Variants in CLVS1 observed in about 807,000 individuals in gnomAD.
CLVS1 encodes clavesin 1.
Under a neutral mutation model 33.1 loss-of-function variants are expected in CLVS1, and 10 were observed. The ratio of observed to expected loss-of-function variants is 0.30; its 90% CI spans 0.19 to 0.51. The LOEUF (loss-of-function observed/expected upper bound fraction) is 0.51, where lower values mean the gene tolerates loss of function less well. CLVS1 is among the 20% of genes least tolerant of loss of function. The pLI is 0.97. For synonymous variants in CLVS1, 163 were observed against 166.1 expected, an observed-to-expected ratio of 0.98 and a Z score of 0.14; for missense variants, 343 against 433.4, an observed-to-expected ratio of 0.79 and a Z score of 1.85.
At chr8:61,048,945 C>T in the CLVS1 span, among the ~76,000 whole-genome samples, 4 of 152,156 alleles carry the variant, frequency 2.6e-5, no homozygotes. Flanking sequence ...GGAGAGTAGG[C>T]ATTCTTTAAA....
At chr8:61,250,623 G>A (rs372082541) in intron 2 of CLVS1, among the ~76,000 whole-genome samples, 1 of 152,090 alleles carries the variant, frequency 6.6e-6, no homozygotes, top group South Asian at 2.1e-4. Flanking sequence ...TACTTGAAGA[G>A]GTCCTTCACA....
At chr8:61,309,005 C>G (rs111847300) in intron 2 of CLVS1, among the ~76,000 whole-genome samples, 2,651 of 152,272 alleles carry the variant, frequency 0.017, 31 homozygotes, top group Non-Finnish European at 0.029. Flanking sequence ...AAGTTTGTTT[C>G]TACATTCTTT....
intron 2 of CLVS1, among the ~76,000 whole-genome samples, chr8:61,265,253 G>A (rs778994029): frequency 4.6e-5 from 7 of 152,048 alleles, no homozygotes; most frequent in Non-Finnish European, 7.3e-5. Context: ...CCATTCACCC[G>A]CTGGTTCAGG....
At chr8:61,357,494 C>CTTTTCTTTTTTTTTTTTT (rs1812776284) in intron 2 of CLVS1, among the ~76,000 whole-genome samples, 1 of 25,804 alleles carries the variant, frequency 3.9e-5, no homozygotes, top group African/African-American at 9.9e-5. Flanking sequence ...TTTTTCTTTT[C>CTTTTCTTTTTTTTTTTTT]TTTTTTTTTT....
At chr8:61,423,647 A>G (rs1225549772) in intron 3 of CLVS1, among the ~76,000 whole-genome samples, 2 of 152,230 alleles carry the variant, frequency 1.3e-5, no homozygotes, top group African/African-American at 4.8e-5. Flanking sequence ...GTGTACAAGT[A>G]TAAACCTGTA....
At chr8:61,261,553 C>T (rs1448497164) in intron 2 of CLVS1, among the ~76,000 whole-genome samples, 3 of 152,080 alleles carry the variant, frequency 2.0e-5, no homozygotes. Context: ...AGGTTGAAGT[C>T]CTAACTCTCA....
intron 2 of CLVS1, among the ~76,000 whole-genome samples, chr8:61,362,365 T>A (rs776421769): frequency 6.6e-6 from 1 of 152,350 alleles, no homozygotes; most frequent in Middle Eastern, 3.4e-3. Context: ...CATTTCTTTC[T>A]TTGAATGTTC....
chr8:61,470,206 C>T (rs1320826322), intron 5 of CLVS1, among the ~76,000 whole-genome samples: 1 of 152,190 alleles, frequency 6.6e-6, no homozygotes, highest in African/African-American at 2.4e-5. Context: ...CAAGCACAAC[C>T]TGTACAGCTG....
the CLVS1 span, among the ~76,000 whole-genome samples, chr8:61,050,970 G>A: frequency 6.6e-6 from 1 of 152,216 alleles, no homozygotes; most frequent in African/African-American, 2.4e-5. Flanking sequence ...TGAGCAGCTT[G>A]GGAGGGCAGA....
intron 5 of CLVS1, among the ~76,000 whole-genome samples, chr8:61,478,087 T>A (rs2129608034): frequency 6.6e-6 from 1 of 152,348 alleles, no homozygotes; most frequent in South Asian, 2.1e-4. Flanking sequence ...CTGCAGTCAT[T>A]CAGGAGCAGG....
In CLVS1 at chr8:61,202,368, C is replaced by A. The variant is rs577901233; in HGVS notation, c.-152+70508C>A. ...GCCTCCCGATGGAAGATCTGATGGACGTGGACATGAGCTCCCTGAGGCCCC... is the reference window on the plus strand; with the variant it reads ...GCCTCCCGATGGAAGATCTGATGGAAGTGGACATGAGCTCCCTGAGGCCCC... On this transcript the variant is annotated intron_variant, in intron 2 of 2. Transcript: ENST00000522621. 4.0e-6 allele frequency: 3 copies of A among 746,774 alleles called. No homozygotes were observed. The Admixed American group carries it at 5.3e-5, about 13-fold the overall frequency. 46.3% of individuals were successfully genotyped at this position (746,774 alleles called of 1,614,324 possible).
At chr8:61,059,613 C>A (rs1417393975) in intron 1 of CLVS1, among the ~76,000 whole-genome samples, 1 of 150,764 alleles carries the variant, frequency 6.6e-6, no homozygotes, top group Non-Finnish European at 1.5e-5. Context: ...GAGTTTGAGA[C>A]CAGCCTGCCA....
At chr8:61,477,469 A>AT (rs1817996649) in intron 5 of CLVS1, among the ~76,000 whole-genome samples, 2 of 152,150 alleles carry the variant, frequency 1.3e-5, no homozygotes, top group Admixed American at 1.3e-4. Context: ...TATTGCCTCA[A>AT]TTCAGAGCCT....
intron 2 of CLVS1, among the ~76,000 whole-genome samples, chr8:61,207,055 C>T (rs997661830): frequency 6.6e-6 from 1 of 152,180 alleles, no homozygotes; most frequent in African/African-American, 2.4e-5. Context: ...AAAGAGCTCA[C>T]GAAGCATCTT....
intron 2 of CLVS1, among the ~76,000 whole-genome samples, chr8:61,238,429 A>C (rs73257793): frequency 0.051 from 7,701 of 150,920 alleles, 417 homozygotes; most frequent in African/African-American, 0.14. Flanking sequence ...TTTTTCCCCC[A>C]CAAAGAGATA....
At position 61,375,319 on chromosome 8, in the gene CLVS1, C is replaced by T. The variant is rs1813600267; in HGVS notation, c.456-1286C>T. On this transcript the variant is annotated intron_variant, in intron 2 of 5. Coordinates refer to ENST00000325897, the MANE Select transcript of CLVS1 (RefSeq NM_173519.3). ...AGGCTGGAGTGCAATGGCGCGATCTCAGCTCACTGCAACCTTCACCTCCTG... is the reference window on the plus strand; with the variant it reads ...AGGCTGGAGTGCAATGGCGCGATCTTAGCTCACTGCAACCTTCACCTCCTG... Among the ~76,000 whole-genome samples, 11 of 150,658 alleles carry T rather than the reference C, an allele frequency of 7.3e-5. No homozygotes were observed. The South Asian group carries it at 2.3e-3, about 31-fold the overall frequency.
chr8:61,362,739 T>C (rs533182419), intron 2 of CLVS1, among the ~76,000 whole-genome samples: 1 of 152,350 alleles, frequency 6.6e-6, no homozygotes, highest in South Asian at 2.1e-4. Context: ...TCTCCTTGCC[T>C]GATTCTATCT....
the CLVS1 span, among the ~76,000 whole-genome samples, chr8:61,043,865 G>A: frequency 2.0e-5 from 3 of 152,102 alleles, no homozygotes; most frequent in Non-Finnish European, 4.4e-5. Flanking sequence ...GTGGTCCAGG[G>A]GTCTGGGGCA....
intron 3 of CLVS1, among the ~76,000 whole-genome samples, chr8:61,435,826 G>A (rs1051594932): frequency 4.6e-5 from 7 of 152,004 alleles, no homozygotes; most frequent in Admixed American, 4.6e-4. Context: ...TTTTAAGAAG[G>A]AGATCAAAAC....
Sources: gnomAD v4.1 joint callset for allele counts (sites outside exome capture counted in the v4.1 genomes callset) on GRCh38, gnomAD v4.1.1 for gene constraint, MANE v1.5 for transcripts, NCBI Gene and HGNC (gene_info 2026-07-23, HGNC 2026-07-21) for gene names.